CYB5R4: variants seen among roughly 807,000 people sequenced by gnomAD.
The protein encoded by CYB5R4 is cytochrome b5 reductase 4, also known as N-terminal cytochrome b5 and cytochrome b5 oxidoreductase domain-containing protein.
In CYB5R4, 55 loss-of-function variants were observed where a neutral mutation model predicts 70.2. That is an observed-to-expected ratio of 0.78 (90% CI 0.63 to 0.98). The LOEUF (loss-of-function observed/expected upper bound fraction) is 0.98. CYB5R4 is among the 50% of genes least tolerant of loss of function. The pLI is 0.00. For missense variants in CYB5R4, 562 were observed against 612.6 expected (o/e 0.92, Z 0.87); for synonymous variants, 197 against 199.5 (o/e 0.99, Z 0.11).
At chr6:83,939,991 G>A (rs151320490) in intron 12 of CYB5R4, 65 bp from the exon 13 acceptor site, 32 of 1,233,360 alleles carry the variant, frequency 2.6e-5, no homozygotes, top group African/African-American at 4.6e-5. Context: ...TAGTTTCCCC[G>A]CTGGGTTTTT....
chr6:83,933,047 C>T (rs2099468400), intron 10 of CYB5R4, among the ~76,000 whole-genome samples: 1 of 152,102 alleles, frequency 6.6e-6, no homozygotes, highest in African/African-American at 2.4e-5. Flanking sequence ...ATGTGGGTCT[C>T]TAGTTGTATT....
chr6:83,959,494 TG>T (rs1291413110), intron 15 of CYB5R4, among the ~76,000 whole-genome samples: 5 of 152,158 alleles, frequency 3.3e-5, no homozygotes, highest in African/African-American at 1.2e-4. Flanking sequence ...AGTGGGGGTC[TG>T]GGGGATCTTA....
Position 83,864,164 on chromosome 6 carries a change from TCCA to T in CYB5R4, c.76-10_76-8del, listed in dbSNP as rs1330511796. On this transcript the variant is annotated splice_region_variant and splice_polypyrimidine_tract_variant and intron_variant, in intron 1 of 15. Coordinates refer to ENST00000369681, the MANE Select transcript of CYB5R4 (RefSeq NM_016230.4). Reference sequence around the variant, plus strand: ...GAAGCTAGATTTAATTCTTCCTTTTTCCATTTTTAGGTACCTTTAAAACAGGGC... The same window carrying T: ...GAAGCTAGATTTAATTCTTCCTTTTTTTTTTAGGTACCTTTAAAACAGGGC... 1 of 1,542,254 alleles carries T rather than the reference TCCA, an allele frequency of 6.5e-7. No homozygotes were observed. The highest frequency in any genetic ancestry group is 1.4e-5 in the African/African-American group (1 of 71,586).
chr6:83,924,437 G>A (rs143088573), intron 9 of CYB5R4, 33 bp from the exon 10 acceptor site: 187 of 1,605,754 alleles, frequency 1.2e-4, no homozygotes, highest in Admixed American at 4.7e-4. Flanking sequence ...ATTTAGTATC[G>A]ATGAACACAA....
intron 14 of CYB5R4, 24 bp from the exon 15 acceptor site, chr6:83,955,274 A>G (rs1337702784): frequency 6.4e-7 from 1 of 1,567,172 alleles, no homozygotes; most frequent in African/African-American, 1.4e-5. Context: ...ATAAACTTTA[A>G]AAAGCTGTTT....
intron 9 of CYB5R4, among the ~76,000 whole-genome samples, chr6:83,923,867 C>T (rs1033919220): frequency 1.3e-5 from 2 of 150,984 alleles, no homozygotes; most frequent in Non-Finnish European, 2.9e-5. Flanking sequence ...AGATCGAGAC[C>T]ATCCTGGCTA....
chr6:83,922,395 G>T, intron 8 of CYB5R4, 43 bp from the exon 9 acceptor site: 2 of 1,550,788 alleles, frequency 1.3e-6, no homozygotes, highest in South Asian at 1.1e-5. Flanking sequence ...AAAACTGTAT[G>T]AATTGAAGTT....
At chr6:83,865,737 A>AG (rs946551211) in intron 2 of CYB5R4, among the ~76,000 whole-genome samples, 7 of 152,130 alleles carry the variant, frequency 4.6e-5, no homozygotes, top group African/African-American at 1.7e-4. Flanking sequence ...ATGAATTTGG[A>AG]GGGGGACACA....
chr6:83,907,411 T>G (rs565929072), intron 3 of CYB5R4, among the ~76,000 whole-genome samples: 167 of 152,334 alleles, frequency 1.1e-3, no homozygotes, highest in African/African-American at 3.8e-3. Flanking sequence ...CTGTTAAATA[T>G]CTGAGTCTGA....
chr6:83,898,645 AG>A (rs1437867091), intron 3 of CYB5R4, among the ~76,000 whole-genome samples: 6 of 152,168 alleles, frequency 3.9e-5, no homozygotes, highest in Non-Finnish European at 8.8e-5. Flanking sequence ...TGCGTTGAGC[AG>A]TGGTTTGTAG....
chr6:83,922,532 G>C, intron 9 of CYB5R4, 62 bp downstream of exon 9: 1 of 1,196,596 alleles, frequency 8.4e-7, no homozygotes, highest in Non-Finnish European at 1.2e-6. Context: ...TACAGAGAGA[G>C]AGATACGAAA....
rs539259351 is a variant in CYB5R4, at chr6:83,861,470, A to G, written c.75+1613A>G. 2.0e-5 allele frequency among the ~76,000 whole-genome samples: 3 copies of G among 152,362 alleles called. No homozygotes were observed. In the East Asian group the frequency reaches 5.8e-4, roughly 29 times the overall value. On this transcript the variant is annotated intron_variant, in intron 1 of 15. Transcript: ENST00000369681. ...TTGTTTCATTCAACAGCATTTAGTT[A>G]TAATATTGATGAGAAAAAAAATTCG... is the stretch of plus-strand genomic sequence containing the variant.
chr6:83,931,199 C>T (rs910889620), intron 10 of CYB5R4, among the ~76,000 whole-genome samples: 5 of 152,198 alleles, frequency 3.3e-5, no homozygotes, highest in Non-Finnish European at 5.9e-5. Context: ...TGTTCTCAAA[C>T]TTTTAAAACA....
intron 14 of CYB5R4, among the ~76,000 whole-genome samples, chr6:83,953,768 A>T (rs752326955): frequency 9.9e-5 from 15 of 152,158 alleles, no homozygotes; most frequent in Non-Finnish European, 1.9e-4. Flanking sequence ...GCTGAAGCTG[A>T]TTGGCTAGAG....
chr6:83,938,254 A>G (rs2099469218), intron 12 of CYB5R4, among the ~76,000 whole-genome samples: 3 of 152,200 alleles, frequency 2.0e-5, no homozygotes, highest in Non-Finnish European at 4.4e-5. Flanking sequence ...TGGAAACTTA[A>G]GGAATGGTAT....
At position 83,961,016 on chromosome 6, in the gene CYB5R4, G is replaced by A. The variant is rs2099473251; in HGVS notation, c.*1138G>A. 6.6e-6 allele frequency: 1 copy of A among 152,192 alleles called. No homozygotes were observed. Among genetic ancestry groups the A allele is most frequent in the South Asian group, 2.1e-4 (1 of 4,836 alleles). 9.4% of individuals were successfully genotyped at this position (152,192 alleles called of 1,614,324 possible). On this transcript the variant is annotated 3_prime_UTR_variant, in exon 16 of 16. Transcript: ENST00000369681. Reference sequence around the variant, plus strand: ...CTGCAATGTTTTCACAGAAATAGGGGATTGAAAGAGTCTCCAATTTCTCTG... The same window carrying A: ...CTGCAATGTTTTCACAGAAATAGGGAATTGAAAGAGTCTCCAATTTCTCTG...
chr6:83,873,767 A>G (rs1479261070), intron 2 of CYB5R4, among the ~76,000 whole-genome samples: 3 of 152,108 alleles, frequency 2.0e-5, no homozygotes, highest in South Asian at 4.1e-4. Flanking sequence ...AGAATTGACA[A>G]TCTGCTCGGG....
intron 10 of CYB5R4, among the ~76,000 whole-genome samples, chr6:83,933,880 A>T (rs1588581129): frequency 6.6e-6 from 1 of 152,224 alleles, no homozygotes; most frequent in East Asian, 1.9e-4. Flanking sequence ...TAATTTTCAG[A>T]TACCAAAACC....
intron 4 of CYB5R4, chr6:83,909,954 G>T: frequency 7.1e-7 from 1 of 1,411,064 alleles, no homozygotes; most frequent in Non-Finnish European, 9.8e-7. Context: ...TAGTGTTGAA[G>T]TAGAGAAACC....
Sources: allele counts gnomAD v4.1 joint callset (sites outside exome capture counted in the v4.1 genomes callset), GRCh38; gene constraint gnomAD v4.1.1; transcripts MANE v1.5; gene names NCBI Gene and HGNC (gene_info 2026-07-23, HGNC 2026-07-21).